Variants in ARHGAP22 observed in about 807,000 individuals in gnomAD.
The protein encoded by ARHGAP22 is rho GTPase-activating protein 22.
In ARHGAP22, 48 loss-of-function variants were observed where a neutral mutation model predicts 59.1. That is an observed-to-expected ratio of 0.81 (90% CI 0.64 to 1.03). The LOEUF (loss-of-function observed/expected upper bound fraction) is 1.03, where lower values mean the gene tolerates loss of function less well. Ranked by LOEUF, ARHGAP22 falls within the 50% of genes least tolerant of loss-of-function variation. The probability of loss-of-function intolerance (pLI) is 0.00; values close to 1 mark genes in which losing one functional copy is unlikely to be tolerated. For missense variants in ARHGAP22, 1,015 were observed against 958.7 expected (o/e 1.06, Z -0.78); for synonymous variants, 445 against 416.4 (o/e 1.07, Z -0.84).
At chr10:48,548,807 G>C (rs1206850054) in intron 3 of ARHGAP22, among the ~76,000 whole-genome samples, 2 of 152,250 alleles carry the variant, frequency 1.3e-5, no homozygotes, top group South Asian at 2.1e-4. Flanking sequence ...GAAGTACCAG[G>C]TGGGCAGGAC....
At chr10:48,527,518 C>T (rs10776612) in intron 3 of ARHGAP22, among the ~76,000 whole-genome samples, 71,804 of 151,400 alleles carry the variant, frequency 0.47, 17,566 homozygotes, top group African/African-American at 0.6. Context: ...GATAGGTCAA[C>T]AGAATGATGG....
chr10:48,431,243 G>C, the ARHGAP22 span: 17 of 1,611,960 alleles, frequency 1.1e-5, no homozygotes, highest in Non-Finnish European at 1.4e-5. Context: ...CAAGAATGGA[G>C]TTATACGGGG....
intron 3 of ARHGAP22, among the ~76,000 whole-genome samples, chr10:48,520,008 G>T (rs115360210): frequency 1.8e-4 from 28 of 152,352 alleles, no homozygotes; most frequent in African/African-American, 6.0e-4. Flanking sequence ...GCGATAAGTC[G>T]AGGGAATGCA....
chr10:48,459,590 C>A (rs924197946), intron 5 of ARHGAP22, 94 bp downstream of exon 5: 152 of 1,420,132 alleles, frequency 1.1e-4, no homozygotes, highest in Non-Finnish European at 1.5e-4. Flanking sequence ...CTGTCGCTAG[C>A]CCACCCCTGC....
intron 5 of ARHGAP22, 91 bp downstream of exon 5, chr10:48,459,593 A>T: frequency 6.9e-7 from 1 of 1,441,344 alleles, no homozygotes; most frequent in Non-Finnish European, 9.7e-7. Context: ...TCGCTAGCCC[A>T]CCCCTGCCCA....
intron 2 of ARHGAP22, among the ~76,000 whole-genome samples, chr10:48,563,344 C>T (rs2057829153): frequency 1.3e-5 from 2 of 152,222 alleles, no homozygotes; most frequent in Middle Eastern, 3.4e-3. Context: ...CAGGCGCCCA[C>T]CACCACGCCT....
chr10:48,464,518 G>A (rs1473938175), intron 4 of ARHGAP22, among the ~76,000 whole-genome samples: 16 of 152,356 alleles, frequency 1.1e-4, no homozygotes, highest in Admixed American at 7.8e-4. Flanking sequence ...CCAGGTAGGC[G>A]GGTGGGGGTG....
At chr10:48,649,171 C>A (rs1021131288) in intron 1 of ARHGAP22, among the ~76,000 whole-genome samples, 2 of 152,202 alleles carry the variant, frequency 1.3e-5, no homozygotes, top group African/African-American at 4.8e-5. Context: ...ATCCACCTAC[C>A]ATTCCTCCCT....
chr10:48,556,105 C>T (rs1031826571), intron 2 of ARHGAP22, among the ~76,000 whole-genome samples: 2 of 152,094 alleles, frequency 1.3e-5, no homozygotes, highest in Admixed American at 6.5e-5. Flanking sequence ...TGACAGAGGG[C>T]GGCTCCACCT....
intron 5 of ARHGAP22, 94 bp downstream of exon 5, chr10:48,459,590 C>T (rs924197946): frequency 1.2e-5 from 17 of 1,420,136 alleles, no homozygotes; most frequent in African/African-American, 2.8e-5. Flanking sequence ...CTGTCGCTAG[C>T]CCACCCCTGC....
chr10:48,588,419 C>G (rs574929271), intron 1 of ARHGAP22, among the ~76,000 whole-genome samples: 1 of 152,216 alleles, frequency 6.6e-6, no homozygotes, highest in African/African-American at 2.4e-5. Flanking sequence ...GGAAAATAAT[C>G]ATTGCTATGA....
At chr10:48,543,216 T>C (rs546739815) in intron 3 of ARHGAP22, among the ~76,000 whole-genome samples, 1 of 152,326 alleles carries the variant, frequency 6.6e-6, no homozygotes, top group South Asian at 2.1e-4. Flanking sequence ...TGTGTGGCCA[T>C]TGAGCCCCGC....
chr10:48,487,492 G>A (rs1025298682), intron 3 of ARHGAP22, among the ~76,000 whole-genome samples: 44 of 152,180 alleles, frequency 2.9e-4, no homozygotes, highest in African/African-American at 1.0e-3. Flanking sequence ...GAGTGTAAGA[G>A]AGAGATGTGT....
the ARHGAP22 span, chr10:48,435,022 G>T: frequency 1.1e-6 from 1 of 945,486 alleles, no homozygotes. Flanking sequence ...CTGGGCTGCT[G>T]TAGATGACTA....
chr10:48,552,478 C>T (rs1454116359), intron 3 of ARHGAP22, among the ~76,000 whole-genome samples: 1 of 152,274 alleles, frequency 6.6e-6, no homozygotes, highest in Non-Finnish European at 1.5e-5. Context: ...CCACCCTTCA[C>T]CCACCCAGCC....
chr10:48,616,251 T>C (rs963949693), intron 1 of ARHGAP22, among the ~76,000 whole-genome samples: 2 of 152,164 alleles, frequency 1.3e-5, no homozygotes, highest in Admixed American at 1.3e-4. Flanking sequence ...CGGACTACAA[T>C]ATAGTGAAAA....
At chr10:48,570,379 G>A (rs2058323853) in intron 2 of ARHGAP22, among the ~76,000 whole-genome samples, 1 of 152,206 alleles carries the variant, frequency 6.6e-6, no homozygotes, top group African/African-American at 2.4e-5. Context: ...AATATCTGTT[G>A]TTGAATTTTT....
At chr10:48,537,184 T>A (rs11101377) in intron 3 of ARHGAP22, among the ~76,000 whole-genome samples, 35,165 of 152,194 alleles carry the variant, frequency 0.23, 4,273 homozygotes, top group African/African-American at 0.25. Flanking sequence ...CCACATTCCT[T>A]CAGGGCAGCC....
At chr10:48,529,856 G>A (rs920079489) in intron 3 of ARHGAP22, among the ~76,000 whole-genome samples, 4 of 152,168 alleles carry the variant, frequency 2.6e-5, no homozygotes, top group Admixed American at 1.3e-4. Flanking sequence ...AGTAGGGAAA[G>A]AACACCCTAT....
Sources: gnomAD v4.1 joint callset for allele counts (sites outside exome capture counted in the v4.1 genomes callset) on GRCh38, gnomAD v4.1.1 for gene constraint, MANE v1.5 for transcripts, NCBI Gene and HGNC (gene_info 2026-07-23, HGNC 2026-07-21) for gene names.